OSBPL1A: variants seen among roughly 807,000 people sequenced by gnomAD.
OSBPL1A encodes oxysterol-binding protein-related protein 1.
In OSBPL1A, 80 loss-of-function variants were observed where a neutral mutation model predicts 137.1. The ratio of observed to expected loss-of-function variants is 0.58; its 90% confidence interval spans 0.49 to 0.70. OSBPL1A has a LOEUF of 0.70. OSBPL1A is among the 30% of genes least tolerant of loss of function. The pLI, the probability that OSBPL1A is intolerant of heterozygous loss-of-function variation, is 0.00. For missense variants in OSBPL1A, 970 were observed against 1,129.4 expected (o/e 0.86, Z 2.02); for synonymous variants, 365 against 389.7 (o/e 0.94, Z 0.75).
intron 13 of OSBPL1A, among the ~76,000 whole-genome samples, chr18:24,307,409 A>G (rs1006891770): frequency 6.6e-6 from 1 of 152,234 alleles, no homozygotes; most frequent in Non-Finnish European, 1.5e-5. Flanking sequence ...TCACTTTGCA[A>G]TATGTATTTA....
At chr18:24,292,914 T>C (rs2090202517) in intron 14 of OSBPL1A, among the ~76,000 whole-genome samples, 1 of 151,868 alleles carries the variant, frequency 6.6e-6, no homozygotes, top group South Asian at 2.1e-4. Context: ...AAGGCCAGCC[T>C]GCCCAAAAGG....
intron 14 of OSBPL1A, chr18:24,301,194 T>A (rs190151073): frequency 9.3e-4 from 141 of 152,340 alleles, no homozygotes; most frequent in African/African-American, 3.2e-3. Flanking sequence ...TTTTGTAGTA[T>A]CAATATTACG....
chr18:24,345,130 T>TA (rs142427226), intron 4 of OSBPL1A, among the ~76,000 whole-genome samples: 1,503 of 150,072 alleles, frequency 0.01, 20 homozygotes, highest in African/African-American at 0.032. Flanking sequence ...GAAGAATGTT[T>TA]AAAAAAAAAT....
At chr18:24,359,345 C>T (rs1383893159) in intron 4 of OSBPL1A, among the ~76,000 whole-genome samples, 3 of 152,058 alleles carry the variant, frequency 2.0e-5, no homozygotes, top group Non-Finnish European at 4.4e-5. Context: ...GCCTTCGCCT[C>T]CTGTGTAGCT....
rs67402123 is a variant in OSBPL1A at position 24,180,481 on chromosome 18, G to GTGTGTGTGTGTGTA, written c.1813-647_1813-646insTACACACACACACA. Among the ~76,000 whole-genome samples the GTGTGTGTGTGTGTA allele has an allele frequency of 3.5e-4, 53 of 150,010 alleles. 1 individual carries two copies. Among genetic ancestry groups the GTGTGTGTGTGTGTA allele is most frequent in the Non-Finnish European group, 6.5e-4 (44 of 67,378 alleles). ...CTATTTTGTGTGTGTGTGTGTGTGT[G>GTGTGTGTGTGTGTA]TGTATGTGTTAACTTCTTCTTGGAA... On this transcript the variant is annotated intron_variant, in intron 19 of 27. Coordinates refer to ENST00000319481, the MANE Select transcript of OSBPL1A (RefSeq NM_080597.4).
intron 15 of OSBPL1A, among the ~76,000 whole-genome samples, chr18:24,275,689 C>T (rs2089828901): frequency 1.3e-5 from 2 of 151,776 alleles, no homozygotes; most frequent in South Asian, 4.1e-4. Flanking sequence ...AATGTAGGGT[C>T]TGAATCTTTC....
At chr18:24,311,874 T>C (rs1044912114) in intron 13 of OSBPL1A, 110 bp downstream of exon 13, 17 of 1,246,156 alleles carry the variant, frequency 1.4e-5, no homozygotes, top group African/African-American at 4.5e-5. Context: ...ACTATTTCTA[T>C]TGTTGTCAGA....
chr18:24,175,687 G>T (rs573657607), intron 21 of OSBPL1A, among the ~76,000 whole-genome samples: 1 of 151,964 alleles, frequency 6.6e-6, no homozygotes, highest in Non-Finnish European at 1.5e-5. Flanking sequence ...TTATAATTTT[G>T]GTATCATATC....
rs144198368 is a variant in OSBPL1A at position 24,262,313 on chromosome 18, G to A, written c.1281+18529C>T. Reference sequence around the variant, plus strand: ...ACTCCTGTCTCATCATGGTTGCAAAGCTTCGACCTAAAAATAGCTTGCTCT... The same window carrying A: ...ACTCCTGTCTCATCATGGTTGCAAAACTTCGACCTAAAAATAGCTTGCTCT... On this transcript the variant is annotated intron_variant, in intron 15 of 27. Coordinates refer to ENST00000319481, the MANE Select transcript of OSBPL1A (RefSeq NM_080597.4). 2.1e-4 allele frequency among the ~76,000 whole-genome samples: 32 copies of A among 152,240 alleles called. 1 individual carries two copies. In the East Asian group the frequency reaches 5.8e-3, roughly 28 times the overall value.
intron 2 of OSBPL1A, 81 bp downstream of exon 2, chr18:24,377,332 A>C: frequency 6.9e-7 from 1 of 1,447,306 alleles, no homozygotes; most frequent in Non-Finnish European, 9.2e-7. Context: ...TACATGATAG[A>C]TAAGAAAGGT....
At chr18:24,163,835 C>T (rs1418610551) in intron 27 of OSBPL1A, among the ~76,000 whole-genome samples, 10 of 151,856 alleles carry the variant, frequency 6.6e-5, no homozygotes, top group East Asian at 1.9e-4. Flanking sequence ...CGGGTGAAAG[C>T]GATTCTCCTG....
chr18:24,376,992 G>A (rs1906218382), intron 2 of OSBPL1A, among the ~76,000 whole-genome samples: 1 of 152,242 alleles, frequency 6.6e-6, no homozygotes, highest in Non-Finnish European at 1.5e-5. Context: ...TGCAAGCCGA[G>A]GGAGCCGGCT....
chr18:24,338,736 C>T (rs1047073279), intron 5 of OSBPL1A, among the ~76,000 whole-genome samples: 11 of 151,998 alleles, frequency 7.2e-5, no homozygotes, highest in Non-Finnish European at 1.0e-4. Flanking sequence ...TTTTTTGAGA[C>T]GGAGTCTCAC....
Position 24,179,832 on chromosome 18 carries a change from C to T in OSBPL1A, c.1816G>A (p.Val606Ile). 1 of 1,613,750 alleles carries T rather than the reference C, an allele frequency of 6.2e-7. No individual in the cohort carries two copies. Among genetic ancestry groups the T allele is most frequent in the Non-Finnish European group, 8.5e-7 (1 of 1,179,628 alleles). The change falls in exon 20 of 28, where the codon GTA (valine) becomes ATA (isoleucine). Residue 606 changes from valine (V) to isoleucine (I), a missense_variant. Physicochemically the swap from Val to Ile is conservative, Grantham distance 29. This residue lies in a region of OSBPL1A where 323 missense variants were observed against 456.8 expected (regional missense o/e 0.71). Transcript: ENST00000319481. ...ACAGCAGATACAGCAAACGCAGCTA[C>T]ACACTGTGGGACAGAGCATGAGAAC... is the stretch of plus-strand genomic sequence containing the variant. ...LSDPVERMQC[V>I]AAFAVSAVAS...
Position 24,263,609 on chromosome 18 carries a change from A to G in OSBPL1A, c.1281+17233T>C, listed in dbSNP as rs8097064. Among the ~76,000 whole-genome samples, 1,327 of 152,198 alleles carry G rather than the reference A, an allele frequency of 8.7e-3. 16 individuals carry two copies. The highest frequency in any genetic ancestry group is 0.029 in the African/African-American group (1,224 of 41,534). ...AAAATGTATATATTCTTGACACAAAACCATAGCATAAGGTAAAAATATATT... is the reference window on the plus strand; with the variant it reads ...AAAATGTATATATTCTTGACACAAAGCCATAGCATAAGGTAAAAATATATT... On this transcript the variant is annotated intron_variant, in intron 15 of 27. Coordinates refer to ENST00000319481, the MANE Select transcript of OSBPL1A (RefSeq NM_080597.4).
intron 16 of OSBPL1A, among the ~76,000 whole-genome samples, chr18:24,238,564 T>C (rs1029300625): frequency 3.9e-5 from 6 of 152,216 alleles, no homozygotes; most frequent in Non-Finnish European, 8.8e-5. Flanking sequence ...ACACGACCTA[T>C]TGAAATGGAC....
intron 1 of OSBPL1A, among the ~76,000 whole-genome samples, chr18:24,385,323 C>T (rs542657754): frequency 9.9e-5 from 15 of 152,204 alleles, no homozygotes; most frequent in East Asian, 1.9e-4. Flanking sequence ...CCCAGGAGTT[C>T]GAGGCTGCTG....
intron 1 of OSBPL1A, among the ~76,000 whole-genome samples, chr18:24,383,879 T>A (rs531020057): frequency 9.2e-5 from 14 of 152,326 alleles, no homozygotes; most frequent in African/African-American, 3.4e-4. Context: ...TTCTTGAGTA[T>A]CTACTGATAA....
intron 13 of OSBPL1A, among the ~76,000 whole-genome samples, chr18:24,307,288 GA>G (rs947309077): frequency 1.3e-5 from 2 of 151,742 alleles, no homozygotes; most frequent in Admixed American, 6.6e-5. Context: ...GTCTCAAAAA[GA>G]AAAAAATAAT....
Sources: gnomAD v4.1 joint callset for allele counts (sites outside exome capture counted in the v4.1 genomes callset) on GRCh38, gnomAD v4.1.1 for gene constraint, gnomAD v4.1.1 regional missense constraint, MANE v1.5 for transcripts, NCBI Gene and HGNC (gene_info 2026-07-23, HGNC 2026-07-21) for gene names.